Variants in SLC6A5 observed in about 807,000 individuals in gnomAD.
SLC6A5 encodes the protein sodium- and chloride-dependent glycine transporter 2.
A neutral mutation model predicts 90.5 loss-of-function variants in SLC6A5; 58 were observed. That is an observed-to-expected ratio of 0.64 (90% CI 0.52 to 0.80). The LOEUF is 0.80. SLC6A5 is among the 30% of genes least tolerant of loss of function. The pLI, the probability that SLC6A5 is intolerant of heterozygous loss-of-function variation, is 0.00. For synonymous variants in SLC6A5, 427 were observed against 401.4 expected (o/e 1.06, Z -0.76); for missense variants, 1,015 against 1,017.6 (o/e 1.00, Z 0.03).
intron 5 of SLC6A5, among the ~76,000 whole-genome samples, chr11:20,608,958 C>CTCTCTCTCTCTG (rs368771053): frequency 9.0e-6 from 1 of 110,858 alleles, no homozygotes; most frequent in African/African-American, 3.1e-5. Flanking sequence ...CTCTCTCTCT[C>CTCTCTCTCTCTG]TGTGTGTGTG....
At chr11:20,628,140 A>G in intron 9 of SLC6A5, 57 bp downstream of exon 9, 1 of 1,353,340 alleles carries the variant, frequency 7.4e-7, no homozygotes. Flanking sequence ...AGAAGAATGG[A>G]CTGAGTTATC....
At chr11:20,616,679 C>T (rs2133786942) in intron 6 of SLC6A5, among the ~76,000 whole-genome samples, 1 of 152,302 alleles carries the variant, frequency 6.6e-6, no homozygotes, top group Admixed American at 6.5e-5. Flanking sequence ...CCTTGGTCTT[C>T]CCTAGTCAAC....
rs372428397 is a variant in SLC6A5 at position 20,601,531 on chromosome 11, G to A, written c.406G>A (p.Val136Met). Residue 136 changes from valine (V) to methionine (M), a missense_variant, in exon 2 of 16, where the codon GTG becomes ATG. Physicochemically the swap from Val to Met is conservative, Grantham distance 21. Around this residue, in one of 3 missense-constraint regions of SLC6A5, gnomAD observed 567 missense variants for 507.3 expected, o/e 1.12. Transcript: ENST00000525748. ...RGPEGDANVS[V>M]GKGTLERNNT... ...CCCGGAGGGGGATGCGAACGTGAGT[G>A]TGGGCAAGGGCACCCTGGAGCGGAA... 2 of 1,614,046 alleles carry A rather than the reference G, an allele frequency of 1.2e-6. No homozygotes were observed. Among genetic ancestry groups the A allele is most frequent in the African/African-American group, 2.7e-5 (2 of 74,948 alleles).
At chr11:20,626,664 T>G (rs748916043) in intron 7 of SLC6A5, 44 bp from the exon 8 acceptor site, 1 of 1,610,972 alleles carries the variant, frequency 6.2e-7, no homozygotes. Flanking sequence ...AGGTGCACTC[T>G]GCAGGGCTGC....
At chr11:20,614,612 CAG>C in intron 5 of SLC6A5, 65 bp from the exon 6 acceptor site, 1 of 1,489,480 alleles carries the variant, frequency 6.7e-7, no homozygotes, top group Non-Finnish European at 9.4e-7. Flanking sequence ...TAAACTGCTG[CAG>C]AGAGACAAAT....
At chr11:20,617,700 T>C (rs985139574) in intron 6 of SLC6A5, 52 bp from the exon 7 acceptor site, 2 of 1,558,658 alleles carry the variant, frequency 1.3e-6, no homozygotes, top group Non-Finnish European at 1.8e-6. Context: ...GCCTGTCACC[T>C]CCCTCTCTCC....
chr11:20,646,406 A>C (rs1853415925), intron 13 of SLC6A5, among the ~76,000 whole-genome samples: 1 of 152,030 alleles, frequency 6.6e-6, no homozygotes, highest in Non-Finnish European at 1.5e-5. Context: ...GTGTGCAATG[A>C]TTTTCTCTCT....
At chr11:20,616,911 T>G (rs1296749308) in intron 6 of SLC6A5, among the ~76,000 whole-genome samples, 1 of 152,204 alleles carries the variant, frequency 6.6e-6, no homozygotes, top group Non-Finnish European at 1.5e-5. Context: ...TGGCTTGCCT[T>G]TCCTTTAGAT....
At chr11:20,618,945 G>GACATACACAC (rs1183729378) in intron 7 of SLC6A5, among the ~76,000 whole-genome samples, 4 of 148,662 alleles carry the variant, frequency 2.7e-5, no homozygotes, top group Non-Finnish European at 6.0e-5. Flanking sequence ...TGTCCCGCCC[G>GACATACACAC]ACACACACAC....
In SLC6A5 at chr11:20,623,248, A is replaced by G. The variant is rs1448833277; in HGVS notation, c.1261-3460A>G. ...GGCAGGTCTGAACCTGCAGCCAGGAAGAAAGAGTTCGGCCTTGAGTAATTG... is the reference window on the plus strand; with the variant it reads ...GGCAGGTCTGAACCTGCAGCCAGGAGGAAAGAGTTCGGCCTTGAGTAATTG... On this transcript the variant is annotated intron_variant, in intron 7 of 15. Transcript: ENST00000525748. Among the ~76,000 whole-genome samples the G allele has an allele frequency of 4.6e-5, 7 of 152,088 alleles. No individual in the cohort carries two copies. The East Asian group carries it at 1.4e-3, about 29-fold the overall frequency.
At chr11:20,653,377 C>T (rs755849942) in intron 15 of SLC6A5, among the ~76,000 whole-genome samples, 5 of 152,166 alleles carry the variant, frequency 3.3e-5, no homozygotes, top group Admixed American at 3.3e-4. Context: ...GTTTAACAAG[C>T]CCCCTCGTTA....
chr11:20,615,660 C>T (rs1408222757), intron 6 of SLC6A5, among the ~76,000 whole-genome samples: 1 of 152,200 alleles, frequency 6.6e-6, no homozygotes, highest in African/African-American at 2.4e-5. Context: ...AGCCACTGCA[C>T]CCAGCCATGA....
Position 20,638,467 on chromosome 11 carries a change from T to G in SLC6A5, c.1878T>G (p.Ile626Met). 6.2e-7 allele frequency: 1 copy of G among 1,609,552 alleles called. No homozygotes were observed. The highest frequency in any genetic ancestry group is 8.5e-7 in the Non-Finnish European group (1 of 1,175,922). ...TTTCTCTCTCCTGTTAGGGTGGAAT[T>G]TACATGTTTCAGCTTGTGGACACCT... Reference protein sequence around the residue: ...MGFPMITQGGIYMFQLVDTYA... With the variant: ...MGFPMITQGGMYMFQLVDTYA... Residue 626 changes from isoleucine (I) to methionine (M), a missense_variant, in exon 13 of 16, where the codon ATT becomes ATG. Physicochemically the swap from Ile to Met is conservative, Grantham distance 10. Transcript: ENST00000525748.
In SLC6A5 at chr11:20,655,810, T is replaced by A. The variant is rs1218193860; in HGVS notation, c.*942T>A. On this transcript the variant is annotated 3_prime_UTR_variant, in exon 16 of 16. Transcript: ENST00000525748. The stretch of plus-strand genomic sequence containing the variant: ...ACTTACCCTGGTTCTGTCTATATAT[T>A]ATATATATAGGACACATGCTCTTAA... 6.6e-6 allele frequency: 1 copy of A among 152,158 alleles called. No individual in the cohort carries two copies. Among genetic ancestry groups the A allele is most frequent in the Non-Finnish European group, 1.5e-5 (1 of 68,030 alleles). The allele number at this position is 152,158 out of a possible 1,614,324, so 9.4% of individuals were successfully genotyped here. A position where few individuals can be genotyped will look rare whatever the true frequency, so the allele number is the denominator to read the frequency against.
intron 15 of SLC6A5, 41 bp downstream of exon 15, chr11:20,652,497 G>A (rs771409813): frequency 6.3e-7 from 1 of 1,579,562 alleles, no homozygotes; most frequent in Non-Finnish European, 8.7e-7. Context: ...TCCTCCCAAG[G>A]GAAAGCCCAT....
chr11:20,655,424 A>G lies in SLC6A5; in HGVS notation c.*556A>G, dbSNP rs1332395110. 4 of 164,660 alleles carry G rather than the reference A, an allele frequency of 2.4e-5. No individual in the cohort carries two copies. Among genetic ancestry groups the G allele is most frequent in the Admixed American group, 1.1e-4 (2 of 17,954 alleles). 10.2% of individuals were successfully genotyped at this position (164,660 alleles called of 1,614,324 possible). A position where few individuals can be genotyped will look rare whatever the true frequency, so the allele number is the denominator to read the frequency against. ...ACACCACTGAGGTGGTTAAGTTTATATTTCCAGTCACCACTGGGGATCTGT... is the reference window on the plus strand; with the variant it reads ...ACACCACTGAGGTGGTTAAGTTTATGTTTCCAGTCACCACTGGGGATCTGT... On this transcript the variant is annotated 3_prime_UTR_variant, in exon 16 of 16. Transcript: ENST00000525748.
At chr11:20,611,067 T>C (rs771758166) in intron 5 of SLC6A5, among the ~76,000 whole-genome samples, 1 of 152,222 alleles carries the variant, frequency 6.6e-6, no homozygotes, top group Non-Finnish European at 1.5e-5. Context: ...TTCCTATAGA[T>C]GAGATTTCTG....
In SLC6A5 at chr11:20,601,121, G is replaced by GCTC. The variant is rs765579964; in HGVS notation, c.4-8_4-7insCTC. On this transcript the variant is annotated splice_region_variant and splice_polypyrimidine_tract_variant and intron_variant, in intron 1 of 15. Transcript: ENST00000525748. ...TTGTTTTGCACGAACTTGACATTGT[G>GCTC]TTTGCAGGATTGCAGTGCTCCCAAG... is the stretch of plus-strand genomic sequence containing the variant. The GCTC allele has an allele frequency of 1.1e-5, 18 of 1,585,716 alleles. No homozygotes were observed. The highest frequency in any genetic ancestry group is 1.4e-5 in the Non-Finnish European group (17 of 1,173,618).
In SLC6A5 at chr11:20,601,182, G is replaced by A. The variant is rs143482044; in HGVS notation, c.57G>A (p.Ala19=). 1 of 1,588,630 alleles carries A rather than the reference G, an allele frequency of 6.3e-7. No individual in the cohort carries two copies. Among genetic ancestry groups the A allele is most frequent in the African/African-American group, 1.3e-5 (1 of 74,828 alleles). ...AACTGCCAGCCAACAGCCCGGAGGC[G>A]GCGGCGGCGCAGGGCCACCCGGATG... ...MNKLPANSPE[A]AAAQGHPDGP... Residue 19 remains alanine, a synonymous_variant, in exon 2 of 16, where the codon GCG becomes GCA. Coordinates refer to ENST00000525748, the MANE Select transcript of SLC6A5 (RefSeq NM_004211.5).
Sources: gnomAD v4.1 joint callset for allele counts (sites outside exome capture counted in the v4.1 genomes callset) on GRCh38, gnomAD v4.1.1 for gene constraint, gnomAD v4.1.1 regional missense constraint, MANE v1.5 for transcripts, NCBI Gene and HGNC (gene_info 2026-07-23, HGNC 2026-07-21) for gene names.